Variants in CAMTA1 observed in about 807,000 individuals in gnomAD.
The protein encoded by CAMTA1 is calmodulin-binding transcription activator 1.
In CAMTA1, 27 loss-of-function variants were observed where a neutral mutation model predicts 170.9. That is an observed-to-expected ratio of 0.16 (90% CI 0.12 to 0.22). The LOEUF is 0.22. Among genes scored for constraint, CAMTA1 ranks in the 10% least tolerant of loss-of-function variants. CAMTA1 has a pLI of 1.00. For synonymous variants in CAMTA1, 833 were observed against 891.5 expected (o/e 0.93, Z 1.17); for missense variants, 1,619 against 2,217.2 (o/e 0.73, Z 5.42).
intron 11 of CAMTA1, among the ~76,000 whole-genome samples, chr1:7,700,486 G>A (rs1210601500): frequency 6.6e-6 from 1 of 152,170 alleles, no homozygotes; most frequent in African/African-American, 2.4e-5. Context: ...GACAGGAGAG[G>A]TTAGATTATA....
chr1:7,423,128 C>A (rs768946693), intron 5 of CAMTA1, among the ~76,000 whole-genome samples: 1 of 152,196 alleles, frequency 6.6e-6, no homozygotes, highest in Non-Finnish European at 1.5e-5. Context: ...GCCCTCACAG[C>A]CCCAGGTGGG....
chr1:7,577,523 C>A (rs1028373593), intron 6 of CAMTA1, among the ~76,000 whole-genome samples: 1 of 151,946 alleles, frequency 6.6e-6, no homozygotes, highest in Non-Finnish European at 1.5e-5. Context: ...CATCTAGACA[C>A]GTGCCCAGGG....
chr1:7,457,943 C>A (rs548482209), intron 5 of CAMTA1, among the ~76,000 whole-genome samples: 1 of 152,192 alleles, frequency 6.6e-6, no homozygotes, highest in Non-Finnish European at 1.5e-5. Flanking sequence ...TCTGTCCTGT[C>A]CCCCACGGCC....
At chr1:7,309,466 A>G (rs1420464246) in intron 5 of CAMTA1, among the ~76,000 whole-genome samples, 1 of 150,868 alleles carries the variant, frequency 6.6e-6, no homozygotes, top group Non-Finnish European at 1.5e-5. Context: ...CGCCCGGCTA[A>G]TTTTTTGTAT....
chr1:7,544,858 A>G (rs996487330), intron 6 of CAMTA1, among the ~76,000 whole-genome samples: 1 of 152,146 alleles, frequency 6.6e-6, no homozygotes, highest in African/African-American at 2.4e-5. Flanking sequence ...ACTCTTTAAC[A>G]ACTCGCTTTC....
rs142119717 is a variant in CAMTA1, at chr1:7,033,679, C to T, written c.235-57625C>T. ...GGTGATCTCGGCTCACTGCAACCTC[C>T]GCCTCCCGGGTTCAAGCGATTCTCC... On this transcript the variant is annotated intron_variant, in intron 3 of 22. Transcript: ENST00000303635. Among the ~76,000 whole-genome samples the T allele has an allele frequency of 8.5e-4, 127 of 149,612 alleles. 2 individuals carry two copies. In the East Asian group the frequency reaches 0.024, roughly 29 times the overall value.
chr1:7,676,037 A>G (rs6673977), intron 10 of CAMTA1, among the ~76,000 whole-genome samples: 45,723 of 152,212 alleles, frequency 0.3, 7,649 homozygotes, highest in Non-Finnish European at 0.37. Flanking sequence ...ATTGTCCCAG[A>G]GAAGCCGTGA....
intron 6 of CAMTA1, among the ~76,000 whole-genome samples, chr1:7,492,373 C>T (rs544204518): frequency 1.4e-3 from 218 of 152,260 alleles, no homozygotes; most frequent in African/African-American, 5.0e-3. Context: ...GAGCTGGCTC[C>T]GGCCTTTTGC....
intron 3 of CAMTA1, among the ~76,000 whole-genome samples, chr1:6,873,253 AT>A (rs111838038): frequency 0.03 from 4,350 of 144,464 alleles, 79 homozygotes; most frequent in Non-Finnish European, 0.044. Context: ...TTTTAAGGTG[AT>A]TTTTTTTTTT....
At chr1:7,076,196 C>T (rs1045275878) in intron 3 of CAMTA1, among the ~76,000 whole-genome samples, 21 of 152,292 alleles carry the variant, frequency 1.4e-4, no homozygotes, top group African/African-American at 4.8e-4. Context: ...AGACTGTCAT[C>T]ACGTTGGACA....
At chr1:6,992,781 G>A (rs1349651074) in intron 3 of CAMTA1, among the ~76,000 whole-genome samples, 2 of 152,182 alleles carry the variant, frequency 1.3e-5, no homozygotes, top group Non-Finnish European at 2.9e-5. Flanking sequence ...AGGGGGAAAT[G>A]CGTTGCCATG....
In CAMTA1 at chr1:7,417,254, T is replaced by C. The variant is rs1334160639; in HGVS notation, c.439-50576T>C. Among the ~76,000 whole-genome samples the C allele has an allele frequency of 2.0e-5, 3 of 152,274 alleles. No homozygotes were observed. The East Asian group carries it at 5.8e-4, about 29-fold the overall frequency. ...CCACTTGAGGAGGCAGTCTGCCCGT[T>C]CTCAGATCTCCAGCTGCGTGCTGGG... is the stretch of plus-strand genomic sequence containing the variant. On this transcript the variant is annotated intron_variant, in intron 5 of 22. Transcript: ENST00000303635.
chr1:7,273,166 G>A (rs1670102138), intron 5 of CAMTA1, among the ~76,000 whole-genome samples: 1 of 152,190 alleles, frequency 6.6e-6, no homozygotes, highest in Non-Finnish European at 1.5e-5. Context: ...CAAAATGCTG[G>A]TGCTGCTGTG....
At chr1:7,406,209 C>T (rs1029041608) in intron 5 of CAMTA1, among the ~76,000 whole-genome samples, 2 of 152,218 alleles carry the variant, frequency 1.3e-5, no homozygotes, top group African/African-American at 4.8e-5. Flanking sequence ...ATGTCCTGGG[C>T]ATGGCAGAGA....
intron 4 of CAMTA1, among the ~76,000 whole-genome samples, chr1:7,188,209 T>G (rs1283425490): frequency 6.6e-6 from 1 of 152,140 alleles, no homozygotes; most frequent in African/African-American, 2.4e-5. Flanking sequence ...CCACAACACC[T>G]GAGGATTACA....
At chr1:6,874,332 G>A (rs1557741850) in intron 3 of CAMTA1, 1 of 152,310 alleles carries the variant, frequency 6.6e-6, no homozygotes, top group East Asian at 1.9e-4. Context: ...TCTTGCAAGT[G>A]GTCTGACCAC....
chr1:6,919,496 C>T (rs1681532777), intron 3 of CAMTA1, among the ~76,000 whole-genome samples: 1 of 152,210 alleles, frequency 6.6e-6, no homozygotes, highest in Non-Finnish European at 1.5e-5. Context: ...TCTCCTCTTT[C>T]TACAGGGAAT....
Position 7,665,269 on chromosome 1 carries a change from T to C in CAMTA1, c.2652+70T>C, listed in dbSNP as rs1453490009. ...CACCTCGCCAGCCCCTGCGCCACCC[T>C]GCAGCTAAGGGATGCCTGTGGCTGC... is the stretch of plus-strand genomic sequence containing the variant. On this transcript the variant is annotated intron_variant, in intron 9 of 22. Transcript: ENST00000303635. This position sits in a 1 kb window ranked among gnomAD's most constrained non-coding sequence, Gnocchi z 4.3. 2 of 1,297,260 alleles carry C rather than the reference T, an allele frequency of 1.5e-6. No individual in the cohort carries two copies. Among genetic ancestry groups the C allele is most frequent in the African/African-American group, 1.5e-5 (1 of 66,960 alleles). The allele number at this position is 1,297,260 out of a possible 1,614,324, so 80.4% of individuals were successfully genotyped here.
intron 3 of CAMTA1, among the ~76,000 whole-genome samples, chr1:6,854,219 T>C (rs1348635595): frequency 6.6e-6 from 1 of 152,238 alleles, no homozygotes; most frequent in African/African-American, 2.4e-5. Flanking sequence ...CATAGTGTCA[T>C]AGTGTAACAC....
Sources: allele counts gnomAD v4.1 joint callset (sites outside exome capture counted in the v4.1 genomes callset), GRCh38; gene constraint gnomAD v4.1.1; non-coding constraint Gnocchi (gnomAD v3.1); transcripts MANE v1.5; gene names NCBI Gene and HGNC (gene_info 2026-07-23, HGNC 2026-07-21).